CNTNAP2: variants seen among roughly 807,000 people sequenced by gnomAD.
CNTNAP2 encodes contactin associated protein 2.
Under a neutral mutation model 155.2 loss-of-function variants are expected in CNTNAP2, and 98 were observed. The ratio of observed to expected loss-of-function variants is 0.63; its 90% confidence interval spans 0.54 to 0.75. The LOEUF (loss-of-function observed/expected upper bound fraction) is 0.75, where lower values mean the gene tolerates loss of function less well. Ranked by LOEUF, CNTNAP2 falls within the 30% of genes least tolerant of loss-of-function variation. The pLI, the probability that CNTNAP2 is intolerant of heterozygous loss-of-function variation, is 0.00. For synonymous variants in CNTNAP2, 651 were observed against 631.2 expected (o/e 1.03, Z -0.47); for missense variants, 1,727 against 1,688.1 (o/e 1.02, Z -0.40).
intron 8 of CNTNAP2, among the ~76,000 whole-genome samples, chr7:147,215,690 C>A (rs889966853): frequency 1.3e-5 from 2 of 152,130 alleles, no homozygotes; most frequent in Non-Finnish European, 2.9e-5. Flanking sequence ...GTTTTCAACT[C>A]TTTTGGGTAA....
intron 11 of CNTNAP2, among the ~76,000 whole-genome samples, chr7:147,495,286 T>C (rs534235255): frequency 2.7e-4 from 41 of 152,308 alleles, no homozygotes; most frequent in African/African-American, 9.1e-4. Context: ...TTGTTAAATA[T>C]TCAAAAAATT....
At position 146,393,822 on chromosome 7, in the gene CNTNAP2, A is replaced by G. The variant is rs191712963; in HGVS notation, c.97+276849A>G. ...GAATACATAAAAATTTATTAAATATAATCATTTAAAGATAGGGTAATTTAA... is the reference window on the plus strand; with the variant it reads ...GAATACATAAAAATTTATTAAATATGATCATTTAAAGATAGGGTAATTTAA... On this transcript the variant is annotated intron_variant, in intron 1 of 23. Transcript: ENST00000361727. 5.9e-5 allele frequency among the ~76,000 whole-genome samples: 9 copies of G among 152,268 alleles called. No individual in the cohort carries two copies. In the East Asian group the frequency reaches 1.7e-3, roughly 29 times the overall value.
chr7:148,330,712 AAG>A, intron 21 of CNTNAP2, among the ~76,000 whole-genome samples: 1 of 107,654 alleles, frequency 9.3e-6, no homozygotes. Context: ...GGAGTGGGTG[AAG>A]TGGATGGAGG....
chr7:146,961,952 A>G (rs1179787925), intron 3 of CNTNAP2, among the ~76,000 whole-genome samples: 1 of 152,132 alleles, frequency 6.6e-6, no homozygotes, highest in Non-Finnish European at 1.5e-5. Flanking sequence ...TCATAGAGAG[A>G]CTTAGGCAAT....
At chr7:146,778,375 C>A (rs1386668108) in intron 2 of CNTNAP2, among the ~76,000 whole-genome samples, 1 of 152,144 alleles carries the variant, frequency 6.6e-6, no homozygotes, top group African/African-American at 2.4e-5. Flanking sequence ...TGTCAGGGAC[C>A]AGTACATGGC....
intron 9 of CNTNAP2, among the ~76,000 whole-genome samples, chr7:147,332,314 C>T (rs1377454981): frequency 2.0e-5 from 3 of 152,158 alleles, no homozygotes; most frequent in African/African-American, 7.2e-5. Flanking sequence ...GGAAAACATT[C>T]TATAAGTGTT....
intron 13 of CNTNAP2, among the ~76,000 whole-genome samples, chr7:147,677,850 G>T (rs1426940622): frequency 6.6e-6 from 1 of 151,582 alleles, no homozygotes; most frequent in Non-Finnish European, 1.5e-5. Flanking sequence ...TATTTCTGGA[G>T]TTCCTATCTT....
At chr7:147,955,270 A>C (rs1181036527) in intron 14 of CNTNAP2, among the ~76,000 whole-genome samples, 2 of 152,248 alleles carry the variant, frequency 1.3e-5, no homozygotes, top group African/African-American at 2.4e-5. Context: ...TTCATGTATT[A>C]GAAATTAAAA....
At chr7:147,387,220 C>A (rs901179874) in intron 9 of CNTNAP2, among the ~76,000 whole-genome samples, 2 of 152,072 alleles carry the variant, frequency 1.3e-5, no homozygotes, top group Non-Finnish European at 2.9e-5. Flanking sequence ...GCAAAAGGAC[C>A]CACTCTGGGA....
chr7:147,920,184 C>T (rs1800246764), intron 14 of CNTNAP2, among the ~76,000 whole-genome samples: 1 of 151,388 alleles, frequency 6.6e-6, no homozygotes, highest in African/African-American at 2.4e-5. Context: ...TGGTAAAACC[C>T]GTCTCTACTA....
chr7:148,126,894 A>C (rs1296004139), intron 16 of CNTNAP2, among the ~76,000 whole-genome samples: 4 of 152,190 alleles, frequency 2.6e-5, no homozygotes, highest in Non-Finnish European at 5.9e-5. Context: ...TACAATTCTA[A>C]GGGTTGTAAG....
chr7:146,118,123 G>A (rs1334045106), intron 1 of CNTNAP2, among the ~76,000 whole-genome samples: 2 of 152,098 alleles, frequency 1.3e-5, no homozygotes, highest in East Asian at 1.9e-4. Flanking sequence ...AACAGGAATA[G>A]CATTGAAAAA....
In CNTNAP2 at chr7:147,237,049, C is replaced by CTTTTTTTTTTTTTTT. The variant is rs548220734; in HGVS notation, c.1349-63070_1349-63056dup. ...CCACTTCCTTTAGCCTTCACCTCCTCTTTTTTTTTTTTTTTTTTTTTTTTT... is the reference window on the plus strand; with the variant it reads ...CCACTTCCTTTAGCCTTCACCTCCTCTTTTTTTTTTTTTTTTTTTTTTTTTTTTTTTTTTTTTTTT... On this transcript the variant is annotated intron_variant, in intron 8 of 23. Coordinates refer to ENST00000361727, the MANE Select transcript of CNTNAP2 (RefSeq NM_014141.6). Among the ~76,000 whole-genome samples, 45 of 57,478 alleles carry CTTTTTTTTTTTTTTT rather than the reference C, an allele frequency of 7.8e-4. 10 individuals carry two copies. Among genetic ancestry groups the CTTTTTTTTTTTTTTT allele is most frequent in the Admixed American group, 1.2e-3 (5 of 4,194 alleles). 37.7% of individuals were successfully genotyped at this position (57,478 alleles called of 152,430 possible). A position where few individuals can be genotyped will look rare whatever the true frequency, so the allele number is the denominator to read the frequency against.
intron 4 of CNTNAP2, among the ~76,000 whole-genome samples, chr7:147,059,033 G>GCAAT (rs1799614749): frequency 6.6e-6 from 1 of 152,098 alleles, no homozygotes. Flanking sequence ...GATGTGCTTA[G>GCAAT]CAATCCCAAA....
At chr7:148,044,237 G>T (rs539240672) in intron 15 of CNTNAP2, among the ~76,000 whole-genome samples, 1 of 148,772 alleles carries the variant, frequency 6.7e-6, no homozygotes, top group East Asian at 2.0e-4. Context: ...ATTTAGTCTC[G>T]GGGTCTCCGT....
At chr7:147,320,612 T>A (rs1461218054) in intron 9 of CNTNAP2, among the ~76,000 whole-genome samples, 1 of 152,218 alleles carries the variant, frequency 6.6e-6, no homozygotes, top group Non-Finnish European at 1.5e-5. Flanking sequence ...TTTCTTGTGG[T>A]AGAGTAGTAT....
chr7:147,516,623 T>C (rs569987662), intron 11 of CNTNAP2, among the ~76,000 whole-genome samples: 4,820 of 30,266 alleles, frequency 0.16, 194 homozygotes, highest in East Asian at 0.41. Context: ...AGAGAATGTG[T>C]GTGTGTGTGT....
chr7:146,595,478 C>T (rs1798846711), intron 1 of CNTNAP2, among the ~76,000 whole-genome samples: 1 of 152,090 alleles, frequency 6.6e-6, no homozygotes, highest in Admixed American at 6.6e-5. Context: ...GAACTTAAAG[C>T]TTATACCTCC....
chr7:148,033,869 ACTT>A (rs1335051362), intron 15 of CNTNAP2, among the ~76,000 whole-genome samples: 3 of 152,146 alleles, frequency 2.0e-5, no homozygotes, highest in African/African-American at 4.8e-5. Context: ...CAAGCATATT[ACTT>A]CTTCTTACCC....
Sources: gnomAD v4.1 joint callset for allele counts (sites outside exome capture counted in the v4.1 genomes callset) on GRCh38, gnomAD v4.1.1 for gene constraint, MANE v1.5 for transcripts, NCBI Gene and HGNC (gene_info 2026-07-23, HGNC 2026-07-21) for gene names.